The following PABPC4L variants were observed in gnomAD, a reference collection of about 807,000 sequenced individuals.
The protein encoded by PABPC4L is polyadenylate-binding protein 4-like.
For missense variants in PABPC4L, 452 were observed against 451.4 expected (o/e 1.00, Z -0.01); for synonymous variants, 169 against 164.1 (o/e 1.03, Z -0.23).
chr4:134,055,630 GTTTT>G, the PABPC4L span, among the ~76,000 whole-genome samples: 1 of 117,362 alleles, frequency 8.5e-6, no homozygotes, highest in Non-Finnish European at 1.8e-5. Flanking sequence ...GTTCCCCGTG[GTTTT>G]TTTTTTTTTT....
chr4:134,156,191 A>G, the PABPC4L span, among the ~76,000 whole-genome samples: 8 of 151,944 alleles, frequency 5.3e-5, no homozygotes, highest in African/African-American at 1.9e-4. Context: ...ATTTAGTTTT[A>G]AGGTCCTCTT....
chr4:134,147,749 G>GTGTGTGTGTGTGTGTTGT, the PABPC4L span, among the ~76,000 whole-genome samples: 1 of 148,938 alleles, frequency 6.7e-6, no homozygotes, highest in African/African-American at 2.5e-5. Flanking sequence ...GTGTGTGTGT[G>GTGTGTGTGTGTGTGTTGT]TGTTGTTGTT....
the PABPC4L span, among the ~76,000 whole-genome samples, chr4:134,026,182 G>A: frequency 6.6e-6 from 1 of 151,822 alleles, no homozygotes; most frequent in Non-Finnish European, 1.5e-5. Context: ...GGGTGAGTGA[G>A]TGAAGTTAAT....
the PABPC4L span, among the ~76,000 whole-genome samples, chr4:134,153,028 G>A: frequency 6.6e-6 from 1 of 152,114 alleles, no homozygotes; most frequent in African/African-American, 2.4e-5. Flanking sequence ...ACACTAGAAA[G>A]GTTAATCTAG....
At chr4:133,956,333 A>C in the PABPC4L span, among the ~76,000 whole-genome samples, 1 of 152,312 alleles carries the variant, frequency 6.6e-6, no homozygotes, top group Non-Finnish European at 1.5e-5. Flanking sequence ...TAAAGTAATA[A>C]TAGGGAAGGA....
intron 1 of PABPC4L, among the ~76,000 whole-genome samples, 152 bp downstream of exon 1, chr4:134,201,566 G>A (rs1309140818): frequency 6.6e-6 from 1 of 152,004 alleles, no homozygotes; most frequent in Non-Finnish European, 1.5e-5. Flanking sequence ...AGCGACGCGG[G>A]CCAAGGGCGT....
the PABPC4L span, among the ~76,000 whole-genome samples, chr4:134,191,139 G>A: frequency 2.6e-5 from 4 of 151,980 alleles, no homozygotes; most frequent in Non-Finnish European, 5.9e-5. Flanking sequence ...TTATTATTGG[G>A]TATATAGTTG....
chr4:134,110,559 TTGTG>T, the PABPC4L span, among the ~76,000 whole-genome samples: 32,297 of 144,148 alleles, frequency 0.22, 4,532 homozygotes, highest in Non-Finnish European at 0.34. Context: ...TCTCTCTGTC[TTGTG>T]TGTGTGTGTG....
chr4:134,011,679 A>C, the PABPC4L span, among the ~76,000 whole-genome samples: 1 of 152,066 alleles, frequency 6.6e-6, no homozygotes, highest in Admixed American at 6.6e-5. Context: ...ATAACGCCAA[A>C]CTTTTTGAAG....
At chr4:134,155,133 A>G in the PABPC4L span, among the ~76,000 whole-genome samples, 1 of 152,094 alleles carries the variant, frequency 6.6e-6, no homozygotes, top group African/African-American at 2.4e-5. Flanking sequence ...ACCACTCTAG[A>G]TTACATTTCA....
chr4:134,001,968 T>C, the PABPC4L span, among the ~76,000 whole-genome samples: 1 of 151,966 alleles, frequency 6.6e-6, no homozygotes, highest in Non-Finnish European at 1.5e-5. Flanking sequence ...AGCCACAGAT[T>C]CTTGAAAAAT....
At chr4:134,049,351 G>C in the PABPC4L span, among the ~76,000 whole-genome samples, 1 of 152,152 alleles carries the variant, frequency 6.6e-6, no homozygotes, top group East Asian at 1.9e-4. Flanking sequence ...ATTTAGATCA[G>C]TTAAATAGAT....
the PABPC4L span, among the ~76,000 whole-genome samples, chr4:133,975,252 G>A: frequency 6.6e-6 from 1 of 152,080 alleles, no homozygotes; most frequent in Non-Finnish European, 1.5e-5. Flanking sequence ...GATGCATATT[G>A]TGTGATTCCA....
chr4:134,183,922 G>A, the PABPC4L span, among the ~76,000 whole-genome samples: 339 of 147,134 alleles, frequency 2.3e-3, 2 homozygotes, highest in African/African-American at 8.0e-3. Flanking sequence ...GTGTGTGTGC[G>A]TGTGTGTGTG....
At chr4:133,974,740 G>A in the PABPC4L span, among the ~76,000 whole-genome samples, 5 of 152,170 alleles carry the variant, frequency 3.3e-5, no homozygotes, top group East Asian at 1.9e-4. Flanking sequence ...CAAAGGATGT[G>A]TACAAAGGCC....
chr4:134,000,896 C>T, the PABPC4L span, among the ~76,000 whole-genome samples: 1 of 152,114 alleles, frequency 6.6e-6, no homozygotes, highest in Non-Finnish European at 1.5e-5. Context: ...CACCGGTTTT[C>T]CTGGGTCTCC....
chr4:133,974,393 A>C, the PABPC4L span, among the ~76,000 whole-genome samples: 1 of 152,142 alleles, frequency 6.6e-6, no homozygotes, highest in East Asian at 1.9e-4. Context: ...CTACAAACTA[A>C]GAATTTTAAA....
chr4:134,107,170 GT>G, the PABPC4L span, among the ~76,000 whole-genome samples: 1 of 150,558 alleles, frequency 6.6e-6, no homozygotes, highest in South Asian at 2.1e-4. Flanking sequence ...TTTACCTACA[GT>G]TACACAAAAT....
chr4:134,011,260 G>T, the PABPC4L span, among the ~76,000 whole-genome samples: 145 of 151,960 alleles, frequency 9.5e-4, no homozygotes, highest in Middle Eastern at 0.014. Flanking sequence ...GCTTCCCAGA[G>T]ACCTAATGCT....
Sources: allele counts gnomAD v4.1 joint callset (sites outside exome capture counted in the v4.1 genomes callset), GRCh38; gene constraint gnomAD v4.1.1; transcripts MANE v1.5; gene names NCBI Gene and HGNC (gene_info 2026-07-23, HGNC 2026-07-21).